PPARGC1A: variants seen among roughly 807,000 people sequenced by gnomAD.
PPARGC1A encodes PPARG coactivator 1 alpha, also known as peroxisome proliferator-activated receptor gamma coactivator 1-alpha.
A neutral mutation model predicts 88.7 loss-of-function variants in PPARGC1A; 25 were observed. That is an observed-to-expected ratio of 0.28 (90% confidence interval 0.21 to 0.39). PPARGC1A has a LOEUF of 0.39. Ranked by LOEUF, PPARGC1A falls within the 10% of genes least tolerant of loss-of-function variation. The probability of loss-of-function intolerance (pLI) is 1.00; values close to 1 mark genes in which losing one functional copy is unlikely to be tolerated. For missense variants in PPARGC1A, 880 were observed against 968.7 expected (o/e 0.91, Z 1.22); for synonymous variants, 363 against 355.6 (o/e 1.02, Z -0.24).
the PPARGC1A span, among the ~76,000 whole-genome samples, chr4:24,124,945 C>G: frequency 6.6e-6 from 1 of 152,102 alleles, no homozygotes; most frequent in Non-Finnish European, 1.5e-5. Flanking sequence ...CTCCCTGGAT[C>G]TTGCAATTTC....
At chr4:24,443,254 GTTT>G in the PPARGC1A span, among the ~76,000 whole-genome samples, 92 of 145,182 alleles carry the variant, frequency 6.3e-4, 1 homozygote, top group East Asian at 1.6e-3. Context: ...AAATGTATGG[GTTT>G]TTTTTTTTTT....
the PPARGC1A span, among the ~76,000 whole-genome samples, chr4:24,428,005 C>T: frequency 1.3e-5 from 2 of 151,810 alleles, no homozygotes; most frequent in Admixed American, 6.6e-5. Flanking sequence ...GTCCCAGCTA[C>T]TCGGGAGGCT....
the PPARGC1A span, among the ~76,000 whole-genome samples, chr4:24,273,908 T>A: frequency 1.3e-5 from 2 of 151,626 alleles, no homozygotes; most frequent in East Asian, 2.0e-4. Context: ...TTTTTTTTTT[T>A]AATGTATTTT....
the PPARGC1A span, among the ~76,000 whole-genome samples, chr4:24,269,678 TC>T: frequency 9.7e-6 from 1 of 102,618 alleles, no homozygotes; most frequent in Middle Eastern, 6.5e-3. Flanking sequence ...ATCATCATCA[TC>T]ATCACACAAA....
the PPARGC1A span, among the ~76,000 whole-genome samples, chr4:23,931,108 G>GGGGACA: frequency 3.9e-5 from 6 of 152,288 alleles, no homozygotes; most frequent in South Asian, 1.2e-3. Flanking sequence ...CCCCACCTCT[G>GGGGACA]GGGACAGGGA....
chr4:24,440,138 A>G, the PPARGC1A span, among the ~76,000 whole-genome samples: 3 of 152,190 alleles, frequency 2.0e-5, no homozygotes, highest in African/African-American at 7.2e-5. Flanking sequence ...AGGTCTATGT[A>G]TTGTTGTTCT....
the PPARGC1A span, among the ~76,000 whole-genome samples, chr4:24,001,610 C>T: frequency 2.0e-5 from 3 of 152,186 alleles, no homozygotes; most frequent in African/African-American, 7.2e-5. Flanking sequence ...CTAAATCAAG[C>T]TCACTATAAA....
the PPARGC1A span, among the ~76,000 whole-genome samples, chr4:24,058,280 A>G: frequency 5.3e-5 from 8 of 152,310 alleles, no homozygotes; most frequent in East Asian, 1.4e-3. Flanking sequence ...CAAGAACAAA[A>G]TTGACTGAAA....
At chr4:24,446,433 T>G in the PPARGC1A span, among the ~76,000 whole-genome samples, 1 of 152,116 alleles carries the variant, frequency 6.6e-6, no homozygotes, top group Admixed American at 6.5e-5. Flanking sequence ...TTATTGGGTC[T>G]TTTGCCATTG....
upstream of PPARGC1A, among the ~76,000 whole-genome samples, chr4:23,901,822 C>T (rs1054928518): frequency 7.2e-5 from 11 of 152,080 alleles, no homozygotes; most frequent in African/African-American, 2.7e-4. Flanking sequence ...ATCATATAAT[C>T]GCTTCTTAAA....
the PPARGC1A span, among the ~76,000 whole-genome samples, chr4:24,393,013 G>GCACACACACACACACACA: frequency 6.9e-6 from 1 of 145,984 alleles, no homozygotes; most frequent in African/African-American, 2.6e-5. Context: ...TGCTCCATCA[G>GCACACACACACACACACA]CACACACACA....
chr4:24,026,055 C>T, the PPARGC1A span, among the ~76,000 whole-genome samples: 1 of 152,124 alleles, frequency 6.6e-6, no homozygotes, highest in Non-Finnish European at 1.5e-5. Flanking sequence ...GAAAGAGTTG[C>T]CAACATTTAA....
the PPARGC1A span, among the ~76,000 whole-genome samples, chr4:23,994,971 C>A: frequency 6.6e-6 from 1 of 152,164 alleles, no homozygotes; most frequent in Non-Finnish European, 1.5e-5. Flanking sequence ...AAAAGGAACA[C>A]ATTTACGAGG....
chr4:24,004,262 A>G, the PPARGC1A span, among the ~76,000 whole-genome samples: 1 of 152,192 alleles, frequency 6.6e-6, no homozygotes, highest in Non-Finnish European at 1.5e-5. Context: ...AGTTGAATAG[A>G]GAGGAAACAA....
chr4:24,381,015 A>G, the PPARGC1A span, among the ~76,000 whole-genome samples: 16 of 152,028 alleles, frequency 1.1e-4, no homozygotes, highest in Non-Finnish European at 2.4e-4. Flanking sequence ...TGGAATCACC[A>G]TAGAAGATTG....
At chr4:24,193,953 AC>A in the PPARGC1A span, among the ~76,000 whole-genome samples, 2 of 152,106 alleles carry the variant, frequency 1.3e-5, no homozygotes, top group Non-Finnish European at 2.9e-5. Context: ...ACATGGTGAA[AC>A]CCTGTCTCTA....
In PPARGC1A at chr4:23,795,756, T is replaced by C. The variant is rs1717471759; in HGVS notation, c.*66A>G. The C allele has an allele frequency of 3.9e-6, 5 of 1,279,630 alleles. No homozygotes were observed. The highest frequency in any genetic ancestry group is 5.5e-6 in the Non-Finnish European group (5 of 913,766). The allele number at this position is 1,279,630 out of a possible 1,614,324, so 79.3% of individuals were successfully genotyped here. On this transcript the variant is annotated 3_prime_UTR_variant, in exon 13 of 13. Transcript: ENST00000264867. Reference sequence around the variant, plus strand: ...CCTAAGTATGACTTGCAATAGTCTTTAGGGAAGGACGCGCTGTCCCATGAG... The same window carrying C: ...CCTAAGTATGACTTGCAATAGTCTTCAGGGAAGGACGCGCTGTCCCATGAG...
the PPARGC1A span, among the ~76,000 whole-genome samples, chr4:24,078,974 T>C: frequency 1.3e-5 from 2 of 152,096 alleles, no homozygotes; most frequent in East Asian, 1.9e-4. Context: ...TAAAACACTT[T>C]ATTTCAGTAA....
At chr4:24,251,654 C>G in the PPARGC1A span, among the ~76,000 whole-genome samples, 1 of 152,192 alleles carries the variant, frequency 6.6e-6, no homozygotes, top group African/African-American at 2.4e-5. Context: ...TTTCACACAT[C>G]ATCTAATTTA....
Sources: allele counts gnomAD v4.1 joint callset (sites outside exome capture counted in the v4.1 genomes callset), GRCh38; gene constraint gnomAD v4.1.1; transcripts MANE v1.5; gene names NCBI Gene and HGNC (gene_info 2026-07-23, HGNC 2026-07-21).